DUSP16: variants seen among roughly 807,000 people sequenced by gnomAD.
DUSP16 encodes the protein dual specificity protein phosphatase 16.
Under a neutral mutation model 58.3 loss-of-function variants are expected in DUSP16, and 21 were observed. That is an observed-to-expected ratio of 0.36 (90% confidence interval 0.26 to 0.52). DUSP16 has a LOEUF of 0.52. Ranked by LOEUF, DUSP16 falls within the 20% of genes least tolerant of loss-of-function variation. The pLI is 0.94. For synonymous variants in DUSP16, 320 were observed against 323.8 expected, an observed-to-expected ratio of 0.99 and a Z score of 0.12; for missense variants, 726 against 819.0, an observed-to-expected ratio of 0.89 and a Z score of 1.39.
At chr12:12,503,596 C>T (rs1041565155) in intron 3 of DUSP16, among the ~76,000 whole-genome samples, 6 of 151,970 alleles carry the variant, frequency 3.9e-5, no homozygotes, top group Non-Finnish European at 5.9e-5. Flanking sequence ...TCATCTGAGA[C>T]AAAAAGTGGA....
At chr12:12,523,040 T>G (rs1404084653) in intron 1 of DUSP16, among the ~76,000 whole-genome samples, 1 of 152,206 alleles carries the variant, frequency 6.6e-6, no homozygotes, top group Non-Finnish European at 1.5e-5. Flanking sequence ...TCAGAGCCTT[T>G]AAAAACCTTT....
At chr12:12,482,329 C>G (rs563595411) in intron 5 of DUSP16, among the ~76,000 whole-genome samples, 3 of 152,082 alleles carry the variant, frequency 2.0e-5, no homozygotes, top group African/African-American at 7.2e-5. Context: ...CAGTAACATG[C>G]GTTACGATGT....
chr12:12,523,575 C>A (rs905569702), intron 1 of DUSP16, among the ~76,000 whole-genome samples: 1 of 152,186 alleles, frequency 6.6e-6, no homozygotes, highest in African/African-American at 2.4e-5. Context: ...AAACAACTTT[C>A]ATTAATGTAT....
chr12:12,544,762 G>A (rs1026255595), intron 1 of DUSP16, among the ~76,000 whole-genome samples: 4 of 151,332 alleles, frequency 2.6e-5, no homozygotes, highest in Middle Eastern at 3.2e-3. Context: ...TTAACCTTTC[G>A]CATTGAGATC....
intron 4 of DUSP16, among the ~76,000 whole-genome samples, chr12:12,497,229 C>T (rs1304090814): frequency 6.6e-6 from 1 of 152,004 alleles, no homozygotes; most frequent in Non-Finnish European, 1.5e-5. Context: ...TTTTAAAGGC[C>T]ACTGGAAAAA....
chr12:12,541,813 C>T (rs1459620317), intron 1 of DUSP16, among the ~76,000 whole-genome samples: 5 of 127,472 alleles, frequency 3.9e-5, no homozygotes, highest in Non-Finnish European at 8.3e-5. Flanking sequence ...TGCACATATA[C>T]CCCAAATCTA....
At chr12:12,483,650 G>A (rs1273185447) in intron 5 of DUSP16, among the ~76,000 whole-genome samples, 3 of 129,950 alleles carry the variant, frequency 2.3e-5, no homozygotes, top group East Asian at 3.9e-4. Flanking sequence ...GAGAGCTGGA[G>A]GAAGAGCCCA....
intron 4 of DUSP16, among the ~76,000 whole-genome samples, chr12:12,487,870 A>C (rs1592169069): frequency 6.6e-6 from 1 of 152,188 alleles, no homozygotes; most frequent in East Asian, 1.9e-4. Flanking sequence ...AAGCTCGAGA[A>C]TAAAATGGGG....
At chr12:12,536,413 G>C (rs940761406) in intron 1 of DUSP16, among the ~76,000 whole-genome samples, 2 of 152,182 alleles carry the variant, frequency 1.3e-5, no homozygotes, top group Non-Finnish European at 2.9e-5. Context: ...TTACTAATTA[G>C]GTCATTGTTT....
intron 5 of DUSP16, among the ~76,000 whole-genome samples, chr12:12,485,129 C>T (rs756944746): frequency 6.6e-6 from 1 of 151,808 alleles, no homozygotes; most frequent in Non-Finnish European, 1.5e-5. Context: ...CCTGCCTCAG[C>T]TTCCCAAGTA....
At chr12:12,534,196 G>A (rs1287485568) in intron 1 of DUSP16, among the ~76,000 whole-genome samples, 1 of 152,228 alleles carries the variant, frequency 6.6e-6, no homozygotes, top group South Asian at 2.1e-4. Flanking sequence ...CCAGGTAGCA[G>A]AGAAAGATGC....
At position 12,477,745 on chromosome 12, in the gene DUSP16, G is replaced by T; in HGVS notation, c.1086C>A (p.Ser362Arg). 1 of 1,543,246 alleles carries T rather than the reference G, an allele frequency of 6.5e-7. No homozygotes were observed. Among genetic ancestry groups the T allele is most frequent in the Non-Finnish European group, 8.5e-7 (1 of 1,171,498 alleles). ...QRPVHPASVP[S>R]VPSVQPSLLE... is the part of the protein sequence containing the mutation. ...ACAGCGACGGCTGCACGCTGGGCAC[G>T]CTGGGCACGCTGGCGGGATGCACGG... Residue 362 changes from serine (S) to arginine (R), a missense_variant, in exon 7 of 7, where the codon AGC becomes AGA. Transcript: ENST00000298573. This position sits in a 1 kb window ranked among gnomAD's most constrained non-coding sequence, Gnocchi z 4.1.
At chr12:12,492,257 C>A (rs1007858564) in intron 4 of DUSP16, among the ~76,000 whole-genome samples, 5 of 152,162 alleles carry the variant, frequency 3.3e-5, no homozygotes, top group Non-Finnish European at 5.9e-5. Flanking sequence ...CTTCAAACTC[C>A]CTATATGTCC....
At chr12:12,506,987 A>G (rs1944006677) in intron 3 of DUSP16, among the ~76,000 whole-genome samples, 1 of 152,104 alleles carries the variant, frequency 6.6e-6, no homozygotes, top group East Asian at 1.9e-4. Context: ...CCTCCTTCAC[A>G]ATTCCAATTA....
At chr12:12,561,610 G>A (rs1244181161) in intron 1 of DUSP16, among the ~76,000 whole-genome samples, 1 of 152,214 alleles carries the variant, frequency 6.6e-6, no homozygotes, top group Non-Finnish European at 1.5e-5. Flanking sequence ...GAAGAAAGCA[G>A]CACCGTCACC....
intron 4 of DUSP16, among the ~76,000 whole-genome samples, chr12:12,498,430 T>TTTA (rs1268812411): frequency 1.9e-5 from 2 of 106,146 alleles, no homozygotes; most frequent in East Asian, 4.7e-4. Context: ...TTATTTATTT[T>TTTA]TTGAGATAGG....
Position 12,476,871 on chromosome 12 carries a change from T to A in DUSP16, c.1960A>T (p.Ser654Cys). The stretch of plus-strand genomic sequence containing the variant: ...ATGATTTCCATGCTGCCCGAAAAGC[T>A]AGACTGACTGCCCACTTTCCCCAGC... ...EELGKVGSQSSFSGSMEIIEV... is the reference protein window; with the variant it reads ...EELGKVGSQSCFSGSMEIIEV... The change falls in exon 7 of 7, where the codon AGC becomes TGC. Residue 654 changes from serine (S) to cysteine (C), a missense_variant. Physicochemically the swap from Ser to Cys is moderately radical, Grantham distance 112 (BLOSUM62 -1). Transcript: ENST00000298573. 6.2e-7 allele frequency: 1 copy of A among 1,612,230 alleles called. No homozygotes were observed. The highest frequency in any genetic ancestry group is 1.7e-4 in the Middle Eastern group (1 of 6,060).
At chr12:12,485,942 T>C (rs1050954297) in intron 5 of DUSP16, among the ~76,000 whole-genome samples, 5 of 152,000 alleles carry the variant, frequency 3.3e-5, no homozygotes, top group African/African-American at 9.7e-5. Flanking sequence ...TACAGGTTCC[T>C]GTCACCTCGC....
At chr12:12,550,323 C>A (rs541516406) in intron 1 of DUSP16, among the ~76,000 whole-genome samples, 18 of 151,422 alleles carry the variant, frequency 1.2e-4, no homozygotes, top group African/African-American at 4.4e-4. Flanking sequence ...GATGTCAGCA[C>A]ATGGTACTAG....
Sources: gnomAD v4.1 joint callset for allele counts (sites outside exome capture counted in the v4.1 genomes callset) on GRCh38, gnomAD v4.1.1 for gene constraint, Gnocchi (gnomAD v3.1) non-coding constraint, MANE v1.5 for transcripts, NCBI Gene and HGNC (gene_info 2026-07-23, HGNC 2026-07-21) for gene names.